The following CPNE5 variants were observed in gnomAD, a reference collection of about 807,000 sequenced individuals.
CPNE5 encodes copine-5.
Under a neutral mutation model 81.1 loss-of-function variants are expected in CPNE5, and 42 were observed. The observed-to-expected ratio is 0.52, with a 90% CI of 0.40 to 0.67. The LOEUF (loss-of-function observed/expected upper bound fraction) is 0.67, where lower values mean the gene tolerates loss of function less well. Among genes scored for constraint, CPNE5 ranks in the 30% least tolerant of loss-of-function variants. The probability of loss-of-function intolerance (pLI) is 0.00; values close to 1 mark genes in which losing one functional copy is unlikely to be tolerated. For synonymous variants in CPNE5, 313 were observed against 321.5 expected (o/e 0.97, Z 0.28); for missense variants, 612 against 815.5 (o/e 0.75, Z 3.04).
At chr6:36,806,373 C>T (rs111690790) in intron 3 of CPNE5, among the ~76,000 whole-genome samples, 52 of 152,266 alleles carry the variant, frequency 3.4e-4, no homozygotes, top group African/African-American at 1.2e-3. Context: ...CTTCCCACTC[C>T]TGCCCAGCCT....
In CPNE5 at chr6:36,746,038, G is replaced by A. The variant is rs1389220955; in HGVS notation, c.1200+358C>T. The A allele has an allele frequency of 1.1e-5, 4 of 353,140 alleles. No homozygotes were observed. Among genetic ancestry groups the A allele is most frequent in the African/African-American group, 2.2e-5 (1 of 44,682 alleles). The allele number at this position is 353,140 out of a possible 1,614,324, so 21.9% of individuals were successfully genotyped here. A position where few individuals can be genotyped will look rare whatever the true frequency, so the allele number is the denominator to read the frequency against. On this transcript the variant is annotated intron_variant, in intron 16 of 20. Coordinates refer to ENST00000244751, the MANE Select transcript of CPNE5 (RefSeq NM_020939.2). This position sits in a 1 kb window ranked among gnomAD's most constrained non-coding sequence, Gnocchi z 4.5. ...GCTCCACATCACCCTGGAGATCCAC[G>A]TCATCCCATCTCAGCACTGACTCAG...
In CPNE5 at chr6:36,745,486, A is replaced by C. The variant is rs763046; in HGVS notation, c.1230T>G (p.Cys410Trp). Residue 410 changes from cysteine to tryptophan, a missense_variant, in exon 17 of 21, where the codon TGT becomes TGG. Physicochemically the swap from Cys to Trp is radical, Grantham distance 215. Transcript: ENST00000244751. ...AGGCCTCCAGGATGCCGTCGATGCCACAGCATGAGGGGTTCTCCTGGTTGC... is the reference window on the plus strand; with the variant it reads ...AGGCCTCCAGGATGCCGTCGATGCCCCAGCATGAGGGGTTCTCCTGGTTGC... ...LNGNQENPSC[C>W]GIDGILEAYH... is the part of the protein sequence containing the mutation. 2 of 1,597,168 alleles carry C rather than the reference A, an allele frequency of 1.3e-6. No individual in the cohort carries two copies. The highest frequency in any genetic ancestry group is 2.7e-5 in the African/African-American group (2 of 74,814).
intron 3 of CPNE5, among the ~76,000 whole-genome samples, chr6:36,807,026 G>T (rs1432444424): frequency 1.3e-5 from 2 of 152,232 alleles, no homozygotes; most frequent in Non-Finnish European, 2.9e-5. Flanking sequence ...AGGGTTTGAG[G>T]CTCCTAACCT....
intron 5 of CPNE5, 49 bp downstream of exon 5, chr6:36,798,406 G>T: frequency 6.3e-7 from 1 of 1,592,412 alleles, no homozygotes; most frequent in South Asian, 1.1e-5. Flanking sequence ...CCCAGAGGAT[G>T]GCATTTCAGA....
At chr6:36,763,580 G>C (rs948326087) in intron 11 of CPNE5, among the ~76,000 whole-genome samples, 1 of 145,176 alleles carries the variant, frequency 6.9e-6, no homozygotes, top group Admixed American at 7.0e-5. Flanking sequence ...TCCAGCCTGG[G>C]CAACAGAGCG....
intron 12 of CPNE5, 22 bp from the exon 13 acceptor site, chr6:36,756,320 A>G: frequency 6.2e-7 from 1 of 1,611,480 alleles, no homozygotes; most frequent in Non-Finnish European, 8.5e-7. Flanking sequence ...ACCAGTTACC[A>G]GGTAAGGCAT....
At chr6:36,809,479 G>A (rs2150556678) in intron 3 of CPNE5, among the ~76,000 whole-genome samples, 1 of 152,290 alleles carries the variant, frequency 6.6e-6, no homozygotes, top group South Asian at 2.1e-4. Context: ...GGGAGGCTGA[G>A]GCAGAAGGGT....
intron 7 of CPNE5, among the ~76,000 whole-genome samples, chr6:36,793,136 C>T (rs973201322): frequency 5.3e-5 from 8 of 152,166 alleles, no homozygotes; most frequent in Admixed American, 4.6e-4. Flanking sequence ...GCCACAGGGC[C>T]ACCAGCATGC....
chr6:36,746,200 C>A lies in CPNE5; in HGVS notation c.1200+196G>T, dbSNP rs1040365756. 2.0e-6 allele frequency: 2 copies of A among 985,418 alleles called. No homozygotes were observed. Among genetic ancestry groups the A allele is most frequent in the Non-Finnish European group, 2.4e-6 (2 of 829,908 alleles). The allele number at this position is 985,418 out of a possible 1,614,324, so 61.0% of individuals were successfully genotyped here. A position where few individuals can be genotyped will look rare whatever the true frequency, so the allele number is the denominator to read the frequency against. On this transcript the variant is annotated intron_variant, in intron 16 of 20. Coordinates refer to ENST00000244751, the MANE Select transcript of CPNE5 (RefSeq NM_020939.2). This position sits in a 1 kb window ranked among gnomAD's most constrained non-coding sequence, Gnocchi z 4.5. ...CCAGCTGTGGGCAGGCAGCTTCAGA[C>A]ATGGAGGGGCAGCATCTGTGATCAG...
rs78862754 is a variant in CPNE5, at chr6:36,803,271, A to G, written c.184-3201T>C. 7.7e-3 allele frequency among the ~76,000 whole-genome samples: 1,167 copies of G among 152,224 alleles called. 19 individuals are homozygous for G. The highest frequency in any genetic ancestry group is 0.027 in the African/African-American group (1,111 of 41,528). ...GGCAACCTCCTAAGGGGCCCCCAGT[A>G]TGTGCCAATTCCTAATGCTTGGAGC... On this transcript the variant is annotated intron_variant, in intron 3 of 20. Transcript: ENST00000244751.
At chr6:36,805,483 T>C (rs1770509337) in intron 3 of CPNE5, among the ~76,000 whole-genome samples, 1 of 152,222 alleles carries the variant, frequency 6.6e-6, no homozygotes, top group African/African-American at 2.4e-5. Context: ...GGAATTCTGA[T>C]AAACAAAGGC....
intron 10 of CPNE5, among the ~76,000 whole-genome samples, chr6:36,770,859 AT>A (rs1158493894): frequency 6.6e-6 from 1 of 152,154 alleles, no homozygotes; most frequent in South Asian, 2.1e-4. Context: ...AAGAAGGATA[AT>A]TTTTTTAAAA....
upstream of CPNE5, chr6:36,839,972 C>A (rs1341592119): frequency 1.3e-5 from 2 of 151,704 alleles, no homozygotes; most frequent in Non-Finnish European, 2.9e-5. This position sits in a 1 kb window ranked among gnomAD's most constrained non-coding sequence, Gnocchi z 7.3. Flanking sequence ...GGCTCCGGGG[C>A]GCCCGGGCTG....
At chr6:36,835,689 A>G (rs1455838470) in intron 1 of CPNE5, among the ~76,000 whole-genome samples, 1 of 152,108 alleles carries the variant, frequency 6.6e-6, no homozygotes, top group Non-Finnish European at 1.5e-5. Flanking sequence ...CCAGTTACTC[A>G]GTAGACTGAG....
intron 12 of CPNE5, among the ~76,000 whole-genome samples, chr6:36,760,562 C>T (rs1402102340): frequency 6.6e-6 from 1 of 151,968 alleles, no homozygotes; most frequent in African/African-American, 2.4e-5. Flanking sequence ...ATGAGGGGAA[C>T]GATGTCAGAA....
At chr6:36,808,931 T>C (rs1168357946) in intron 3 of CPNE5, among the ~76,000 whole-genome samples, 1 of 152,218 alleles carries the variant, frequency 6.6e-6, no homozygotes, top group African/African-American at 2.4e-5. Context: ...CCAGGCTGGC[T>C]GGCTCCAAAT....
rs767607691 is a variant in CPNE5 at position 36,746,380 on chromosome 6, C to A, written c.1200+16G>T. The A allele has an allele frequency of 1.1e-5, 18 of 1,603,414 alleles. No individual in the cohort carries two copies. The highest frequency in any genetic ancestry group is 1.7e-5 in the Admixed American group (1 of 58,322). Reference sequence around the variant, plus strand: ...CAGCCTGATCAGTCCTCTCTCCCACCAGCGGGACCACCTACCAGTGGGAAC... The same window carrying A: ...CAGCCTGATCAGTCCTCTCTCCCACAAGCGGGACCACCTACCAGTGGGAAC... On this transcript the variant is annotated intron_variant, in intron 16 of 20. Transcript: ENST00000244751. The surrounding 1 kb of genome is among the most constrained non-coding windows in gnomAD (Gnocchi z 4.5).
intron 3 of CPNE5, among the ~76,000 whole-genome samples, chr6:36,801,547 T>C (rs1770100319): frequency 6.6e-6 from 1 of 152,166 alleles, no homozygotes; most frequent in African/African-American, 2.4e-5. Context: ...GAGCAAAATT[T>C]TTGTTTCAAA....
At chr6:36,763,556 T>C (rs1476619004) in intron 11 of CPNE5, among the ~76,000 whole-genome samples, 1 of 149,366 alleles carries the variant, frequency 6.7e-6, no homozygotes, top group African/African-American at 2.5e-5. Flanking sequence ...TGAGCTGAGA[T>C]TGTGTCACTG....
Sources: allele counts gnomAD v4.1 joint callset (sites outside exome capture counted in the v4.1 genomes callset), GRCh38; gene constraint gnomAD v4.1.1; non-coding constraint Gnocchi (gnomAD v3.1); transcripts MANE v1.5; gene names NCBI Gene and HGNC (gene_info 2026-07-23, HGNC 2026-07-21).